The following SGPP1 variants were observed in gnomAD, a reference collection of about 807,000 sequenced individuals.
The protein encoded by SGPP1 is hSPP1.
Under a neutral mutation model 33.0 loss-of-function variants are expected in SGPP1, and 21 were observed. That is an observed-to-expected ratio of 0.64 (90% CI 0.45 to 0.92). The LOEUF (loss-of-function observed/expected upper bound fraction) is 0.92, where lower values mean the gene tolerates loss of function less well. Ranked by LOEUF, SGPP1 falls within the 40% of genes least tolerant of loss-of-function variation. SGPP1 has a pLI of 0.00. For missense variants in SGPP1, 543 were observed against 589.4 expected, an observed-to-expected ratio of 0.92 and a Z score of 0.81; for synonymous variants, 239 against 241.2, an observed-to-expected ratio of 0.99 and a Z score of 0.08.
chr14:63,691,079 T>G (rs1008530811), intron 2 of SGPP1, among the ~76,000 whole-genome samples: 2 of 152,254 alleles, frequency 1.3e-5, no homozygotes, highest in South Asian at 2.1e-4. Flanking sequence ...TCTCCTATTG[T>G]ACAATAGTAA....
intron 1 of SGPP1, among the ~76,000 whole-genome samples, chr14:63,707,802 C>T (rs932764154): frequency 1.3e-5 from 2 of 152,058 alleles, no homozygotes; most frequent in Admixed American, 1.3e-4. Context: ...TTCGAGGCTC[C>T]AGAAAACTTC....
At chr14:63,724,061 G>T (rs1224267334) in intron 1 of SGPP1, among the ~76,000 whole-genome samples, 2 of 151,044 alleles carry the variant, frequency 1.3e-5, no homozygotes, top group Non-Finnish European at 3.0e-5. Context: ...ATTTTTTTTT[G>T]CAGAGACAGG....
chr14:63,692,089 T>TA (rs1459920416), intron 2 of SGPP1, among the ~76,000 whole-genome samples: 1 of 152,234 alleles, frequency 6.6e-6, no homozygotes, highest in Non-Finnish European at 1.5e-5. Flanking sequence ...GAACCAGGCC[T>TA]AAGACATTTT....
intron 1 of SGPP1, among the ~76,000 whole-genome samples, chr14:63,712,670 TTTTG>T (rs1047077797): frequency 5.3e-5 from 8 of 152,282 alleles, no homozygotes; most frequent in African/African-American, 1.9e-4. Flanking sequence ...TTTACTTATT[TTTTG>T]TTTGTTTTTT....
chr14:63,727,659 C>A lies in SGPP1; in HGVS notation c.286G>T (p.Glu96Ter). Residue 96 changes from glutamate (E) to a stop codon, truncating the protein, a stop_gained, in exon 1 of 3, where the codon GAG becomes TAG. Coordinates refer to ENST00000247225, the MANE Select transcript of SGPP1 (RefSeq NM_030791.4). LOFTEE classifies it high-confidence loss of function. ...PNGVRNGLAA[E>*]LGPASPRRAG... ...CGCCGCGGCGAGGCCGGGCCCAGCT[C>A]GGCCGCCAGCCCGTTCCGCACGCCG... The A allele has an allele frequency of 1.5e-6, 2 of 1,344,704 alleles. No homozygotes were observed. Among genetic ancestry groups the A allele is most frequent in the South Asian group, 1.9e-5 (1 of 53,222 alleles). The allele number at this position is 1,344,704 out of a possible 1,614,324, so 83.3% of individuals were successfully genotyped here.
chr14:63,694,259 A>T (rs918088630), intron 2 of SGPP1, among the ~76,000 whole-genome samples: 3 of 152,032 alleles, frequency 2.0e-5, no homozygotes, highest in Non-Finnish European at 2.9e-5. Context: ...GGGTAACAGA[A>T]GGAGACCCTG....
chr14:63,698,622 AG>A lies in SGPP1; in HGVS notation c.720del (p.Trp241GlyfsTer4). The A allele has an allele frequency of 6.2e-7, 1 of 1,605,088 alleles. No individual in the cohort carries two copies. Among genetic ancestry groups the A allele is most frequent in the Admixed American group, 1.7e-5 (1 of 58,898 alleles). ...PLIYGLILIP[C>X]WCSLVCLSRI... ...CTACTTAGGCAAACTAGAGAACACCAGCAGGGAATAAGAATCAGTCCATATA... is the reference window on the plus strand; with the variant it reads ...CTACTTAGGCAAACTAGAGAACACCACAGGGAATAAGAATCAGTCCATATA... On this transcript the variant is annotated frameshift_variant, in exon 2 of 3. Transcript: ENST00000247225. LOFTEE classifies it high-confidence loss of function.
chr14:63,689,383 C>T (rs547832861), intron 2 of SGPP1, among the ~76,000 whole-genome samples: 6 of 152,234 alleles, frequency 3.9e-5, no homozygotes, highest in South Asian at 4.1e-4. Flanking sequence ...AACTCCTGGG[C>T]TCAAGTGATC....
chr14:63,705,662 T>C (rs1885395830), intron 1 of SGPP1, among the ~76,000 whole-genome samples: 1 of 151,956 alleles, frequency 6.6e-6, no homozygotes, highest in African/African-American at 2.4e-5. Context: ...AGTGAAACCC[T>C]GTCTCAAAAA....
Position 63,686,411 on chromosome 14 carries a change from A to C in SGPP1, c.1020T>G (p.Gly340=). 6.2e-7 allele frequency: 1 copy of C among 1,614,014 alleles called. No homozygotes were observed. Among genetic ancestry groups the C allele is most frequent in the South Asian group, 1.1e-5 (1 of 91,070 alleles). The part of the protein sequence containing the change: ...ACGSHVTYNM[G]LVLDPSLDTL... ...TATCTAGAGAAGGATCTAATACTAG[A>C]CCCATGTTATAAGTAACATGAGATC... Residue 340 remains glycine (G), a synonymous_variant, in exon 3 of 3, where the codon GGT becomes GGG. Coordinates refer to ENST00000247225, the MANE Select transcript of SGPP1 (RefSeq NM_030791.4).
intron 1 of SGPP1, among the ~76,000 whole-genome samples, chr14:63,713,796 T>G (rs906696085): frequency 6.6e-6 from 1 of 152,222 alleles, no homozygotes; most frequent in Non-Finnish European, 1.5e-5. Context: ...TTTGTGGACT[T>G]AATTTTAGGT....
At position 63,706,449 on chromosome 14, in the gene SGPP1, T is replaced by A. The variant is rs544272684; in HGVS notation, c.685-7791A>T. Among the ~76,000 whole-genome samples the A allele has an allele frequency of 2.6e-5, 4 of 152,036 alleles. 1 individual carries two copies. In the South Asian group the frequency reaches 6.2e-4, roughly 24 times the overall value. ...AGTTTTACCCCAAGTTAAAAAAAAA[T>A]AAACCAAAAATAAACATATCCAGAA... is the stretch of plus-strand genomic sequence containing the variant. On this transcript the variant is annotated intron_variant, in intron 1 of 2. Coordinates refer to ENST00000247225, the MANE Select transcript of SGPP1 (RefSeq NM_030791.4).
rs1885175346 is a variant in SGPP1 at position 63,695,778 on chromosome 14, GTA to G, written c.774+2789_774+2790del. On this transcript the variant is annotated intron_variant, in intron 2 of 2. Coordinates refer to ENST00000247225, the MANE Select transcript of SGPP1 (RefSeq NM_030791.4). ...ATTTAAAAATTAGCTGGGCATTATAGTACATGTTTGTAGTCCTAGACACCCGG... is the reference window on the plus strand; with the variant it reads ...ATTTAAAAATTAGCTGGGCATTATAGCATGTTTGTAGTCCTAGACACCCGG... 1.6e-4 allele frequency among the ~76,000 whole-genome samples: 24 copies of G among 152,234 alleles called. No individual in the cohort carries two copies. In the South Asian group the frequency reaches 5.0e-3, roughly 32 times the overall value.
intron 1 of SGPP1, among the ~76,000 whole-genome samples, chr14:63,722,875 G>A (rs1446179018): frequency 1.3e-5 from 2 of 151,702 alleles, no homozygotes; most frequent in Admixed American, 6.6e-5. Context: ...GGGAGGCTGA[G>A]GTGGGAGGAT....
chr14:63,714,703 G>A (rs916797406), intron 1 of SGPP1, among the ~76,000 whole-genome samples: 1 of 151,272 alleles, frequency 6.6e-6, no homozygotes, highest in African/African-American at 2.4e-5. Context: ...TTACAGGCAT[G>A]TGCCACCATG....
rs149177989 is a variant in SGPP1 at position 63,727,483 on chromosome 14, G to A, written c.462C>T (p.Asn154=). The A allele has an allele frequency of 1.2e-6, 2 of 1,614,058 alleles. No homozygotes were observed. Among genetic ancestry groups the A allele is most frequent in the African/African-American group, 2.7e-5 (2 of 74,942 alleles). Residue 154 remains asparagine (N), a synonymous_variant, in exon 1 of 3, where the codon AAC becomes AAT. Transcript: ENST00000247225. ...YILFFPFWIW[N]LDPLVGRRLV... ...GCCTCCGGCCCACCAGAGGGTCCAG[G>A]TTCCAGATCCAGAAGGGGAAGAACA...
intron 1 of SGPP1, among the ~76,000 whole-genome samples, chr14:63,718,605 T>C (rs1019436911): frequency 6.6e-6 from 1 of 152,046 alleles, no homozygotes. Flanking sequence ...AGTGGAAATA[T>C]ACTGTTGCAA....
intron 1 of SGPP1, among the ~76,000 whole-genome samples, chr14:63,710,029 T>G (rs1885492666): frequency 6.6e-6 from 1 of 152,214 alleles, no homozygotes; most frequent in South Asian, 2.1e-4. Context: ...TAATACAATT[T>G]AAATTTTTCA....
intron 1 of SGPP1, among the ~76,000 whole-genome samples, chr14:63,713,931 C>T (rs1417333223): frequency 6.6e-6 from 1 of 152,140 alleles, no homozygotes; most frequent in East Asian, 1.9e-4. Flanking sequence ...GAAAGATCTG[C>T]CCTCAATGTT....
Sources: allele counts gnomAD v4.1 joint callset (sites outside exome capture counted in the v4.1 genomes callset), GRCh38; gene constraint gnomAD v4.1.1; transcripts MANE v1.5; gene names NCBI Gene and HGNC (gene_info 2026-07-23, HGNC 2026-07-21).